MACROD2: variants seen among roughly 807,000 people sequenced by gnomAD.
MACROD2 encodes the protein ADP-ribose glycohydrolase MACROD2.
Under a neutral mutation model 70.4 loss-of-function variants are expected in MACROD2, and 36 were observed. That is an observed-to-expected ratio of 0.51 (90% CI 0.39 to 0.68). MACROD2 has a LOEUF of 0.68. MACROD2 is among the 30% of genes least tolerant of loss of function. MACROD2 has a pLI of 0.00. For synonymous variants in MACROD2, 172 were observed against 178.8 expected (o/e 0.96, Z 0.30); for missense variants, 496 against 538.4 (o/e 0.92, Z 0.78).
At chr20:14,896,185 C>G (rs1294970448) in intron 5 of MACROD2, among the ~76,000 whole-genome samples, 2 of 152,106 alleles carry the variant, frequency 1.3e-5, no homozygotes, top group Non-Finnish European at 2.9e-5. Context: ...ATACCAGCTA[C>G]TCAGGAGGCT....
chr20:14,928,002 T>C (rs2074253915), intron 5 of MACROD2, among the ~76,000 whole-genome samples: 1 of 152,236 alleles, frequency 6.6e-6, no homozygotes, highest in Admixed American at 6.5e-5. Context: ...TTAATTTGAC[T>C]CCATTCTTAG....
At chr20:15,164,561 A>G (rs1401684949) in intron 5 of MACROD2, among the ~76,000 whole-genome samples, 4 of 152,186 alleles carry the variant, frequency 2.6e-5, no homozygotes, top group South Asian at 2.1e-4. Flanking sequence ...GCTATATTAG[A>G]AAAAATAAAG....
At chr20:15,943,636 T>C (rs1393671378) in intron 12 of MACROD2, among the ~76,000 whole-genome samples, 1 of 152,102 alleles carries the variant, frequency 6.6e-6, no homozygotes, top group African/African-American at 2.4e-5. Context: ...AACAATGTAG[T>C]CTTCATTTCT....
At chr20:15,209,030 T>C (rs945594196) in intron 5 of MACROD2, among the ~76,000 whole-genome samples, 51 of 152,292 alleles carry the variant, frequency 3.3e-4, no homozygotes, top group African/African-American at 1.2e-3. Context: ...TTGTCTGTGC[T>C]GTATGGTTGG....
chr20:14,238,305 A>G (rs2081896155), intron 3 of MACROD2, among the ~76,000 whole-genome samples: 1 of 152,222 alleles, frequency 6.6e-6, no homozygotes, highest in Non-Finnish European at 1.5e-5. Flanking sequence ...AAAACACATG[A>G]TTATATTATT....
intron 7 of MACROD2, among the ~76,000 whole-genome samples, chr20:15,473,604 C>G (rs940582269): frequency 6.6e-6 from 1 of 152,170 alleles, no homozygotes; most frequent in Admixed American, 6.5e-5. Flanking sequence ...ATTTTCTGAG[C>G]TGAGTATTAA....
At chr20:14,752,092 T>C in intron 5 of MACROD2, among the ~76,000 whole-genome samples, 1 of 151,348 alleles carries the variant, frequency 6.6e-6, no homozygotes, top group Admixed American at 6.6e-5. Context: ...TCTTTTTTTT[T>C]TTTTTTTTTT....
chr20:15,763,348 T>C (rs559068158), intron 8 of MACROD2, among the ~76,000 whole-genome samples: 1 of 152,248 alleles, frequency 6.6e-6, no homozygotes, highest in South Asian at 2.1e-4. Context: ...CTTTACAACA[T>C]CAAAGCCTGC....
Position 14,793,266 on chromosome 20 carries a change from A to G in MACROD2, c.418+108307A>G, listed in dbSNP as rs193225129. 2.1e-3 allele frequency among the ~76,000 whole-genome samples: 321 copies of G among 152,186 alleles called. 3 individuals carry two copies. Among genetic ancestry groups the G allele is most frequent in the African/African-American group, 7.2e-3 (297 of 41,490 alleles). Reference sequence around the variant, plus strand: ...AGAAATTAAACATATATAGTATTCAATAAAAGCATAGTGGCAGAATAAACA... The same window carrying G: ...AGAAATTAAACATATATAGTATTCAGTAAAAGCATAGTGGCAGAATAAACA... On this transcript the variant is annotated intron_variant, in intron 5 of 17. Transcript: ENST00000684519.
At chr20:15,043,534 A>G (rs2075370717) in intron 5 of MACROD2, among the ~76,000 whole-genome samples, 1 of 152,094 alleles carries the variant, frequency 6.6e-6, no homozygotes, top group Non-Finnish European at 1.5e-5. Flanking sequence ...GCTTCTTTTG[A>G]AAGATTGTCT....
intron 8 of MACROD2, among the ~76,000 whole-genome samples, chr20:15,686,872 C>CAA (rs142175244): frequency 3.8e-4 from 26 of 69,132 alleles, no homozygotes; most frequent in South Asian, 4.7e-4. Flanking sequence ...GACTCCATCT[C>CAA]AAAAAAAAAA....
chr20:14,062,213 A>G (rs932936727), intron 2 of MACROD2, among the ~76,000 whole-genome samples: 2 of 152,080 alleles, frequency 1.3e-5, no homozygotes, highest in Admixed American at 1.3e-4. Context: ...TCTTTGTTCC[A>G]TTCTTTCCTG....
chr20:15,328,525 C>T lies in MACROD2; in HGVS notation c.540+98464C>T, dbSNP rs1242095710. 3.9e-5 allele frequency among the ~76,000 whole-genome samples: 6 copies of T among 152,242 alleles called. No homozygotes were observed. In the East Asian group the frequency reaches 1.2e-3, roughly 29 times the overall value. ...CTTGTCTGGAGTTCTCATTAAGACA[C>T]AGACCTAGAATTGTCCCCATAAATA... On this transcript the variant is annotated intron_variant, in intron 6 of 17. Coordinates refer to ENST00000684519, the MANE Select transcript of MACROD2 (RefSeq NM_001351661.2).
chr20:15,551,776 G>A (rs1701168804), intron 8 of MACROD2, among the ~76,000 whole-genome samples: 2 of 150,848 alleles, frequency 1.3e-5, no homozygotes, highest in South Asian at 4.2e-4. Flanking sequence ...GCTGAGGCAG[G>A]AGGATTAGTT....
At chr20:15,283,719 AAG>A (rs2146093069) in intron 6 of MACROD2, among the ~76,000 whole-genome samples, 2 of 152,214 alleles carry the variant, frequency 1.3e-5, no homozygotes, top group African/African-American at 4.8e-5. Flanking sequence ...GAAAAAGAAA[AAG>A]AAAAATACAT....
At chr20:14,504,848 A>G (rs1470141440) in intron 4 of MACROD2, among the ~76,000 whole-genome samples, 2 of 152,182 alleles carry the variant, frequency 1.3e-5, no homozygotes, top group East Asian at 3.8e-4. Context: ...GACTTTTCTC[A>G]ATTCCATTTT....
chr20:15,866,568 T>A (rs2064496674), intron 9 of MACROD2, among the ~76,000 whole-genome samples: 1 of 152,176 alleles, frequency 6.6e-6, no homozygotes, highest in South Asian at 2.1e-4. Context: ...AGCTGTATTT[T>A]AAAATTGAGA....
chr20:14,654,498 A>G (rs1426659992), intron 4 of MACROD2, among the ~76,000 whole-genome samples: 1 of 150,674 alleles, frequency 6.6e-6, no homozygotes, highest in Non-Finnish European at 1.5e-5. Context: ...GTGAGCCAAA[A>G]TCGTGCCTTT....
intron 3 of MACROD2, among the ~76,000 whole-genome samples, chr20:14,436,166 A>G (rs1215537477): frequency 1.3e-5 from 2 of 152,164 alleles, no homozygotes; most frequent in Non-Finnish European, 2.9e-5. Context: ...AAAAAGTGCC[A>G]AAAGTCTTAT....
Sources: gnomAD v4.1 joint callset for allele counts (sites outside exome capture counted in the v4.1 genomes callset) on GRCh38, gnomAD v4.1.1 for gene constraint, MANE v1.5 for transcripts, NCBI Gene and HGNC (gene_info 2026-07-23, HGNC 2026-07-21) for gene names.